Variants in ANO3 observed in about 807,000 individuals in gnomAD.
The protein encoded by ANO3 is anoctamin-3.
Under a neutral mutation model 144.8 loss-of-function variants are expected in ANO3, and 99 were observed. That is an observed-to-expected ratio of 0.68 (90% CI 0.58 to 0.81). ANO3 has a LOEUF of 0.81. Among genes scored for constraint, ANO3 ranks in the 30% least tolerant of loss-of-function variants. ANO3 has a pLI of 0.00. For synonymous variants in ANO3, 414 were observed against 392.6 expected (o/e 1.05, Z -0.64); for missense variants, 905 against 1,202.2 (o/e 0.75, Z 3.66).
At chr11:26,489,891 C>T (rs1023721800) in intron 4 of ANO3, among the ~76,000 whole-genome samples, 1 of 152,146 alleles carries the variant, frequency 6.6e-6, no homozygotes, top group Non-Finnish European at 1.5e-5. Flanking sequence ...GGCTGATAGG[C>T]AGAAAGGACT....
At chr11:26,204,329 A>G (rs1423579695) in intron 1 of ANO3, among the ~76,000 whole-genome samples, 1 of 151,998 alleles carries the variant, frequency 6.6e-6, no homozygotes, top group Admixed American at 6.6e-5. Flanking sequence ...CCCCCAGGAC[A>G]ACACAGTAGT....
At chr11:26,580,052 G>T (rs1851089324) in intron 14 of ANO3, among the ~76,000 whole-genome samples, 1 of 140,470 alleles carries the variant, frequency 7.1e-6, no homozygotes, top group South Asian at 2.2e-4. Context: ...ACAAAATGAG[G>T]TGCAAAAGTA....
intron 1 of ANO3, among the ~76,000 whole-genome samples, chr11:26,383,558 C>T (rs1027708578): frequency 1.7e-5 from 2 of 119,906 alleles, no homozygotes; most frequent in African/African-American, 2.7e-5. Context: ...TCCTAAATGA[C>T]TTTAGACTAT....
intron 1 of ANO3, among the ~76,000 whole-genome samples, chr11:26,423,425 G>C (rs1177322063): frequency 6.8e-6 from 1 of 147,132 alleles, no homozygotes; most frequent in East Asian, 2.0e-4. Flanking sequence ...AAATTGTTTA[G>C]AATTATTGAA....
At chr11:26,297,303 T>G (rs1854116894) in intron 1 of ANO3, among the ~76,000 whole-genome samples, 1 of 147,224 alleles carries the variant, frequency 6.8e-6, no homozygotes, top group Admixed American at 6.7e-5. Context: ...TAAATTTCAC[T>G]TTATTAGTGA....
chr11:26,404,009 G>A (rs965199585), intron 1 of ANO3, among the ~76,000 whole-genome samples: 1 of 151,566 alleles, frequency 6.6e-6, no homozygotes, highest in Non-Finnish European at 1.5e-5. Context: ...TTCTTTGGTC[G>A]CATGCCATGC....
chr11:26,200,023 T>A (rs1274000304), intron 1 of ANO3, among the ~76,000 whole-genome samples: 1 of 152,166 alleles, frequency 6.6e-6, no homozygotes. Flanking sequence ...CTGGACTTAC[T>A]TTCTGGGCTT....
chr11:26,462,903 T>G, intron 3 of ANO3, 127 bp from the exon 4 acceptor site: 1 of 428,898 alleles, frequency 2.3e-6, no homozygotes, highest in Non-Finnish European at 4.2e-6. Context: ...CACACAAATT[T>G]TATGTATTTT....
intron 4 of ANO3, among the ~76,000 whole-genome samples, chr11:26,493,309 A>G (rs1424242113): frequency 1.3e-5 from 2 of 152,100 alleles, no homozygotes; most frequent in African/African-American, 4.8e-5. Context: ...GTGAGATGTG[A>G]TGTGTTTCCA....
intron 4 of ANO3, among the ~76,000 whole-genome samples, chr11:26,506,225 C>G (rs955808656): frequency 2.0e-5 from 3 of 152,032 alleles, no homozygotes. Context: ...ACTACTCAAG[C>G]CTCATTCCTA....
At chr11:26,457,801 T>C (rs1428235124) in intron 3 of ANO3, among the ~76,000 whole-genome samples, 1 of 152,110 alleles carries the variant, frequency 6.6e-6, no homozygotes, top group Admixed American at 6.5e-5. Context: ...TATGCCTTCC[T>C]ATTATTCTGC....
chr11:26,206,012 T>C (rs1851789236), intron 1 of ANO3, among the ~76,000 whole-genome samples: 1 of 152,248 alleles, frequency 6.6e-6, no homozygotes. Context: ...TAAGTTTTTA[T>C]TGAATATATC....
chr11:26,625,882 C>A (rs1256261775), intron 18 of ANO3, among the ~76,000 whole-genome samples: 1 of 152,188 alleles, frequency 6.6e-6, no homozygotes, highest in Non-Finnish European at 1.5e-5. Flanking sequence ...TCCTTCTTGG[C>A]TCAGTTCCTT....
chr11:26,214,119 A>G (rs566949648), intron 1 of ANO3, among the ~76,000 whole-genome samples: 36 of 152,114 alleles, frequency 2.4e-4, no homozygotes, highest in African/African-American at 8.4e-4. Context: ...ATATTTTTCC[A>G]TGAGATAAGT....
At chr11:26,429,558 T>C (rs1489644303) in intron 1 of ANO3, among the ~76,000 whole-genome samples, 2 of 151,702 alleles carry the variant, frequency 1.3e-5, no homozygotes, top group Admixed American at 6.6e-5. Flanking sequence ...ATGTGTAATT[T>C]ATATTAATAA....
intron 17 of ANO3, among the ~76,000 whole-genome samples, chr11:26,620,243 T>G (rs1161815720): frequency 6.6e-6 from 1 of 152,172 alleles, no homozygotes; most frequent in African/African-American, 2.4e-5. Flanking sequence ...AAATGTATAT[T>G]CTTGTTGCTT....
intron 24 of ANO3, among the ~76,000 whole-genome samples, chr11:26,650,217 T>G (rs1853484637): frequency 7.1e-6 from 1 of 140,210 alleles, no homozygotes; most frequent in Admixed American, 7.1e-5. Context: ...ATTGGAAATT[T>G]TCGGAGCAAG....
At chr11:26,226,810 A>C (rs1189401051) in intron 1 of ANO3, among the ~76,000 whole-genome samples, 1 of 152,108 alleles carries the variant, frequency 6.6e-6, no homozygotes, top group Non-Finnish European at 1.5e-5. Context: ...TTCCAGTTTA[A>C]CCATTTTTAA....
intron 4 of ANO3, among the ~76,000 whole-genome samples, chr11:26,477,329 C>T (rs1860021819): frequency 6.6e-6 from 1 of 152,128 alleles, no homozygotes; most frequent in South Asian, 2.1e-4. Flanking sequence ...TCCTATCATA[C>T]TCCCACAGGT....
Sources: allele counts gnomAD v4.1 joint callset (sites outside exome capture counted in the v4.1 genomes callset), GRCh38; gene constraint gnomAD v4.1.1; transcripts MANE v1.5; gene names NCBI Gene and HGNC (gene_info 2026-07-23, HGNC 2026-07-21).